Variants in WDFY3 observed in about 807,000 individuals in gnomAD.
The protein encoded by WDFY3 is WD repeat and FYVE domain-containing protein 3.
Under a neutral mutation model 409.6 loss-of-function variants are expected in WDFY3, and 66 were observed. The ratio of observed to expected loss-of-function variants is 0.16; its 90% CI spans 0.13 to 0.20. WDFY3 has a LOEUF of 0.20. Ranked by LOEUF, WDFY3 falls within the 10% of genes least tolerant of loss-of-function variation. WDFY3 has a pLI of 1.00. For missense variants in WDFY3, 3,031 were observed against 4,298.1 expected (o/e 0.71, Z 8.24); for synonymous variants, 1,521 against 1,537.1 (o/e 0.99, Z 0.25).
intron 47 of WDFY3, among the ~76,000 whole-genome samples, chr4:84,721,046 T>C (rs2149084105): frequency 6.6e-6 from 1 of 152,278 alleles, no homozygotes; most frequent in Admixed American, 6.5e-5. Context: ...CTGAAGCCGC[T>C]TGTAGGTTAT....
At chr4:84,875,017 C>T (rs1234315171) in intron 3 of WDFY3, among the ~76,000 whole-genome samples, 1 of 151,946 alleles carries the variant, frequency 6.6e-6, no homozygotes, top group Non-Finnish European at 1.5e-5. Context: ...GGCCTGTAAT[C>T]CCAGCACTTT....
intron 3 of WDFY3, among the ~76,000 whole-genome samples, chr4:84,864,123 T>C (rs1449381923): frequency 4.6e-5 from 7 of 152,064 alleles, no homozygotes; most frequent in African/African-American, 1.7e-4. Context: ...TCCCAGCATT[T>C]TGGGAGGACG....
Position 84,880,124 on chromosome 4 carries a change from AAGG to A in WDFY3, c.-32+16784_-32+16786del, listed in dbSNP as rs1763289927. On this transcript the variant is annotated intron_variant, in intron 3 of 67. Coordinates refer to ENST00000295888, the MANE Select transcript of WDFY3 (RefSeq NM_014991.6). ...TCACAAAGAAGGAGTCAGGAGAGAG[AAGG>A]AGATGTGACCAGGAAGCAGAGGTTG... Among the ~76,000 whole-genome samples, 3 of 152,138 alleles carry A rather than the reference AAGG, an allele frequency of 2.0e-5. No homozygotes were observed. The South Asian group carries it at 6.2e-4, about 32-fold the overall frequency.
chr4:84,783,911 T>C (rs536411307), intron 24 of WDFY3, among the ~76,000 whole-genome samples: 2 of 150,550 alleles, frequency 1.3e-5, no homozygotes, highest in Non-Finnish European at 3.0e-5. Flanking sequence ...AAGCTCTGCG[T>C]AAGAGTTGTC....
chr4:84,730,947 G>A lies in WDFY3; in HGVS notation c.7221+2435C>T, dbSNP rs902481218. ...CGAGTAGCTGGGATTACAGGCATGC[G>A]CCACCACACTTGGCTAATTTTCTAT... On this transcript the variant is annotated intron_variant, in intron 44 of 67. Coordinates refer to ENST00000295888, the MANE Select transcript of WDFY3 (RefSeq NM_014991.6). Among the ~76,000 whole-genome samples the A allele has an allele frequency of 3.3e-5, 5 of 152,108 alleles. No homozygotes were observed. In the East Asian group the frequency reaches 5.8e-4, roughly 18 times the overall value.
At chr4:84,861,085 C>G (rs186242089) in intron 3 of WDFY3, among the ~76,000 whole-genome samples, 179 of 152,126 alleles carry the variant, frequency 1.2e-3, no homozygotes, top group African/African-American at 4.3e-3. Context: ...GTAGTGTGCG[C>G]GTATAGTCCC....
chr4:84,836,468 G>C (rs962203755), intron 7 of WDFY3, among the ~76,000 whole-genome samples: 1 of 152,224 alleles, frequency 6.6e-6, no homozygotes, highest in African/African-American at 2.4e-5. Context: ...CAGTGGGAAA[G>C]AAGAGCCTTA....
In WDFY3 at chr4:84,801,340, T is replaced by C. The variant is rs558404378; in HGVS notation, c.2822+310A>G. Among the ~76,000 whole-genome samples the C allele has an allele frequency of 2.0e-5, 3 of 152,330 alleles. No individual in the cohort carries two copies. In the South Asian group the frequency reaches 6.2e-4, roughly 32 times the overall value. ...AAATTAAAAGGTTAAAAAGTATTTC[T>C]TTAAAAACTTCTTACATATGAAAAG... On this transcript the variant is annotated intron_variant, in intron 17 of 67. Coordinates refer to ENST00000295888, the MANE Select transcript of WDFY3 (RefSeq NM_014991.6).
intron 1 of WDFY3, among the ~76,000 whole-genome samples, chr4:84,932,589 A>G (rs1015719848): frequency 1.3e-5 from 2 of 152,154 alleles, no homozygotes; most frequent in South Asian, 2.1e-4. Flanking sequence ...TCACTTCTTC[A>G]TTTTACTGAT....
intron 1 of WDFY3, among the ~76,000 whole-genome samples, chr4:84,962,959 C>A (rs866691447): frequency 4.6e-5 from 7 of 151,854 alleles, no homozygotes; most frequent in Admixed American, 1.3e-4. Flanking sequence ...CAGGTGTGAG[C>A]CACCATGCCC....
rs115502513 is a variant in WDFY3 at position 84,775,502 on chromosome 4, G to A, written c.4519-364C>T. On this transcript the variant is annotated intron_variant, in intron 27 of 67. Transcript: ENST00000295888. ...AAAAATATACTGGACGGCATTAATA[G>A]TAGATGAGATACTTCCGAAAAAAAA... Among the ~76,000 whole-genome samples the A allele has an allele frequency of 4.3e-3, 650 of 151,868 alleles. 4 individuals carry two copies. The highest frequency in any genetic ancestry group is 0.015 in the African/African-American group (608 of 41,464).
intron 31 of WDFY3, 111 bp downstream of exon 31, chr4:84,766,141 T>C: frequency 1.3e-6 from 2 of 1,488,306 alleles, no homozygotes; most frequent in East Asian, 2.3e-5. Context: ...TACTATAAAT[T>C]TCAGGGTTAA....
intron 3 of WDFY3, among the ~76,000 whole-genome samples, chr4:84,881,287 G>A (rs569542645): frequency 6.3e-4 from 96 of 152,012 alleles, no homozygotes; most frequent in African/African-American, 2.1e-3. Context: ...AGCAAATAAC[G>A]TATCTCCCTG....
intron 44 of WDFY3, among the ~76,000 whole-genome samples, chr4:84,727,483 C>T (rs1022246306): frequency 1.3e-5 from 2 of 152,124 alleles, no homozygotes; most frequent in African/African-American, 4.8e-5. Context: ...AGGGTGAAAG[C>T]AGAGGGTAGA....
chr4:84,691,321 T>G (rs1438789689), intron 60 of WDFY3, among the ~76,000 whole-genome samples: 1 of 152,060 alleles, frequency 6.6e-6, no homozygotes, highest in African/African-American at 2.4e-5. Context: ...ACAGAAATGC[T>G]GAGCTCCTTG....
At chr4:84,828,920 C>T in intron 9 of WDFY3, 84 bp downstream of exon 9, 1 of 1,371,262 alleles carries the variant, frequency 7.3e-7, no homozygotes, top group Non-Finnish European at 9.7e-7. Flanking sequence ...TTTGCTTTTC[C>T]TATAACCCCA....
chr4:84,780,758 C>T (rs1159148709), intron 25 of WDFY3, among the ~76,000 whole-genome samples: 1 of 150,762 alleles, frequency 6.6e-6, no homozygotes, highest in East Asian at 1.9e-4. Context: ...AGGGAGACTC[C>T]CTCTCAAAAA....
intron 10 of WDFY3, among the ~76,000 whole-genome samples, chr4:84,824,478 A>T (rs1472840074): frequency 6.6e-6 from 1 of 152,062 alleles, no homozygotes; most frequent in Non-Finnish European, 1.5e-5. Context: ...TTAAGAGGGG[A>T]GTGATTAGAT....
rs1180230832 is a variant in WDFY3 at position 84,772,874 on chromosome 4, C to T, written c.4810G>A (p.Val1604Ile). Residue 1604 changes from valine to isoleucine, a missense_variant, in exon 30 of 68, where the codon GTA (valine) becomes ATA (isoleucine). Transcript: ENST00000295888. Reference protein sequence around the residue: ...LPTFAVCEKFVVMEINNEEKL... With the variant: ...LPTFAVCEKFIVMEINNEEKL... ...TCTTCATTATTTATTTCCATTACTA[C>T]AAATTTCTCACAAACCGCAAAGGTT... The T allele has an allele frequency of 6.2e-7, 1 of 1,611,074 alleles. No individual in the cohort carries two copies. Among genetic ancestry groups the T allele is most frequent in the Admixed American group, 1.7e-5 (1 of 59,490 alleles).
Sources: allele counts gnomAD v4.1 joint callset (sites outside exome capture counted in the v4.1 genomes callset), GRCh38; gene constraint gnomAD v4.1.1; transcripts MANE v1.5; gene names NCBI Gene and HGNC (gene_info 2026-07-23, HGNC 2026-07-21).